Variants in CSMD1 observed in about 807,000 individuals in gnomAD.
CSMD1 encodes the protein CUB and sushi domain-containing protein 1.
In CSMD1, 213 loss-of-function variants were observed where a neutral mutation model predicts 417.5. That is an observed-to-expected ratio of 0.51 (90% CI 0.46 to 0.57). The LOEUF is 0.57. Among genes scored for constraint, CSMD1 ranks in the 20% least tolerant of loss-of-function variants. The pLI is 0.00. For synonymous variants in CSMD1, 2,862 were observed against 1,736.8 expected, an observed-to-expected ratio of 1.65 and a Z score of -16.11; for missense variants, 6,923 against 4,529.7, an observed-to-expected ratio of 1.53 and a Z score of -15.17.
chr8:4,785,362 C>A (rs1797351013), intron 1 of CSMD1, among the ~76,000 whole-genome samples: 1 of 152,062 alleles, frequency 6.6e-6, no homozygotes, highest in Non-Finnish European at 1.5e-5. Context: ...TGGAGGTGGT[C>A]TCAGAGCTGG....
rs191615733 is a variant in CSMD1 at position 3,551,111 on chromosome 8, G to C, written c.1344+23834C>G. ...AGGTAGCAGTTAAGAGAGTAGACTT[G>C]ACCTCTTTGTGATTCAGTTTTCTTA... is the stretch of plus-strand genomic sequence containing the variant. On this transcript the variant is annotated intron_variant, in intron 10 of 69. Coordinates refer to ENST00000635120, the MANE Select transcript of CSMD1 (RefSeq NM_033225.6). Among the ~76,000 whole-genome samples, 168 of 152,234 alleles carry C rather than the reference G, an allele frequency of 1.1e-3. 1 individual carries two copies. The highest frequency in any genetic ancestry group is 3.9e-3 in the African/African-American group (163 of 41,558).
Position 4,897,622 on chromosome 8 carries a change from T to A in CSMD1, c.85+96710A>T, listed in dbSNP as rs574782807. On this transcript the variant is annotated intron_variant, in intron 1 of 69. Transcript: ENST00000635120. ...AATACAATTCAAAACTCATTATTTG[T>A]CATTACGTTAATGTCCAATAATATG... Among the ~76,000 whole-genome samples, 5 of 152,240 alleles carry A rather than the reference T, an allele frequency of 3.3e-5. No individual in the cohort carries two copies. The South Asian group carries it at 1.0e-3, about 32-fold the overall frequency.
chr8:4,866,549 T>G (rs1563627002), intron 1 of CSMD1, among the ~76,000 whole-genome samples: 1 of 151,934 alleles, frequency 6.6e-6, no homozygotes, highest in African/African-American at 2.4e-5. Flanking sequence ...TTTTAACAAC[T>G]AAATAAATAG....
intron 42 of CSMD1, among the ~76,000 whole-genome samples, chr8:3,111,507 C>G (rs1161276680): frequency 6.6e-6 from 1 of 152,096 alleles, no homozygotes; most frequent in Non-Finnish European, 1.5e-5. Context: ...AGGTCAGGGT[C>G]TGCGATACTC....
chr8:3,482,998 TA>T (rs1817830855), intron 11 of CSMD1, among the ~76,000 whole-genome samples: 2 of 152,062 alleles, frequency 1.3e-5, no homozygotes, highest in Non-Finnish European at 2.9e-5. Context: ...GAGGAAAATT[TA>T]TAACAGTAAA....
At chr8:4,946,655 T>C (rs1015450894) in intron 1 of CSMD1, among the ~76,000 whole-genome samples, 1 of 152,182 alleles carries the variant, frequency 6.6e-6, no homozygotes, top group African/African-American at 2.4e-5. Flanking sequence ...GACTCCCGAA[T>C]TAAAAATGAA....
chr8:3,171,975 G>T (rs1029945127), intron 37 of CSMD1, among the ~76,000 whole-genome samples: 14 of 152,084 alleles, frequency 9.2e-5, no homozygotes. Flanking sequence ...TGTTTCCAAA[G>T]GCTAGACTTA....
At chr8:3,587,641 A>C (rs2117007612) in intron 8 of CSMD1, among the ~76,000 whole-genome samples, 1 of 152,318 alleles carries the variant, frequency 6.6e-6, no homozygotes, top group African/African-American at 2.4e-5. Flanking sequence ...AGGGATTGCC[A>C]TGGATGTCGG....
intron 12 of CSMD1, among the ~76,000 whole-genome samples, chr8:3,464,270 T>C (rs1816678931): frequency 6.6e-6 from 1 of 152,118 alleles, no homozygotes; most frequent in Non-Finnish European, 1.5e-5. Context: ...AGAGAAGCCA[T>C]AAAAACGTGG....
chr8:3,359,873 AATT>A (rs575879550), intron 20 of CSMD1, among the ~76,000 whole-genome samples: 89 of 152,322 alleles, frequency 5.8e-4, no homozygotes, highest in Non-Finnish European at 1.2e-3. Flanking sequence ...AAATGTGTAC[AATT>A]ATTATGTAAC....
At chr8:3,521,200 A>G (rs955190105) in intron 10 of CSMD1, among the ~76,000 whole-genome samples, 2 of 152,010 alleles carry the variant, frequency 1.3e-5, no homozygotes, top group South Asian at 2.1e-4. Context: ...CACACCCACC[A>G]CCCTTGCTTA....
chr8:3,932,345 G>C (rs564947190), intron 5 of CSMD1, among the ~76,000 whole-genome samples: 2 of 150,562 alleles, frequency 1.3e-5, no homozygotes, highest in South Asian at 4.3e-4. Flanking sequence ...CATTTATTCT[G>C]CGACTAGAGG....
intron 33 of CSMD1, among the ~76,000 whole-genome samples, chr8:3,195,907 G>T (rs11136590): frequency 0.66 from 100,048 of 151,990 alleles, 34,219 homozygotes; most frequent in Non-Finnish European, 0.76. Context: ...ACTGTCAGAG[G>T]TGTTTGATCC....
chr8:3,275,395 C>T (rs1020810559), intron 26 of CSMD1, among the ~76,000 whole-genome samples: 3 of 152,082 alleles, frequency 2.0e-5, no homozygotes, highest in African/African-American at 7.2e-5. Context: ...GTGAATCTGA[C>T]AATTATGTGT....
At chr8:4,850,749 C>T (rs1240687684) in intron 1 of CSMD1, among the ~76,000 whole-genome samples, 2 of 151,928 alleles carry the variant, frequency 1.3e-5, no homozygotes, top group African/African-American at 2.4e-5. Context: ...GTTCCAGTAC[C>T]TCAATTTTCT....
chr8:3,732,687 GAAAAA>G (rs1381128488), intron 6 of CSMD1, among the ~76,000 whole-genome samples: 1 of 151,654 alleles, frequency 6.6e-6, no homozygotes, highest in African/African-American at 2.4e-5. Flanking sequence ...TTTTAAGACA[GAAAAA>G]AAGAAAAGTA....
intron 26 of CSMD1, among the ~76,000 whole-genome samples, chr8:3,239,287 T>C (rs2116958162): frequency 6.6e-6 from 1 of 152,188 alleles, no homozygotes; most frequent in East Asian, 1.9e-4. Flanking sequence ...TAAAGGCCGG[T>C]CTGCTATTGG....
At chr8:3,800,581 A>G (rs986064515) in intron 5 of CSMD1, among the ~76,000 whole-genome samples, 1 of 152,134 alleles carries the variant, frequency 6.6e-6, no homozygotes, top group African/African-American at 2.4e-5. Flanking sequence ...CACCAAAACC[A>G]ATGTTGAAAC....
chr8:4,850,959 A>G (rs929269605), intron 1 of CSMD1, among the ~76,000 whole-genome samples: 11 of 149,172 alleles, frequency 7.4e-5, no homozygotes, highest in Non-Finnish European at 1.5e-4. Flanking sequence ...CCTTTTTTTA[A>G]TATATACACT....
Sources: allele counts gnomAD v4.1 joint callset (sites outside exome capture counted in the v4.1 genomes callset), GRCh38; gene constraint gnomAD v4.1.1; transcripts MANE v1.5; gene names NCBI Gene and HGNC (gene_info 2026-07-23, HGNC 2026-07-21).